PDE6B: variants seen among roughly 807,000 people sequenced by gnomAD.
The protein encoded by PDE6B is phosphodiesterase 6B, also known as rod cGMP-specific 3',5'-cyclic phosphodiesterase subunit beta.
A neutral mutation model predicts 109.0 loss-of-function variants in PDE6B; 106 were observed. The ratio of observed to expected loss-of-function variants is 0.97; its 90% confidence interval spans 0.83 to 1.14. PDE6B has a LOEUF of 1.14. PDE6B is among the 50% of genes most tolerant of loss of function. The pLI, the probability that PDE6B is intolerant of heterozygous loss-of-function variation, is 0.00. For missense variants in PDE6B, 1,193 were observed against 1,155.6 expected, an observed-to-expected ratio of 1.03 and a Z score of -0.47; for synonymous variants, 490 against 471.3, an observed-to-expected ratio of 1.04 and a Z score of -0.51.
rs954242389 is a variant in PDE6B at position 657,163 on chromosome 4, G to C, written c.1257+140G>C. 1.7e-5 allele frequency: 20 copies of C among 1,145,786 alleles called. No individual in the cohort carries two copies. The Admixed American group carries it at 2.7e-4, about 15-fold the overall frequency. The allele number at this position is 1,145,786 out of a possible 1,614,324, so 71.0% of individuals were successfully genotyped here. A position where few individuals can be genotyped will look rare whatever the true frequency, so the allele number is the denominator to read the frequency against. ...GCGGTATGCATGCGGCCAGGGAGAG[G>C]ACGACAAAGGGCCCCCCCGGGAGCA... On this transcript the variant is annotated intron_variant, in intron 9 of 21. Coordinates refer to ENST00000496514, the MANE Select transcript of PDE6B (RefSeq NM_000283.4).
At chr4:645,693 C>T (rs943518370) in intron 3 of PDE6B, among the ~76,000 whole-genome samples, 2 of 151,926 alleles carry the variant, frequency 1.3e-5, no homozygotes, top group Non-Finnish European at 2.9e-5. Flanking sequence ...TTATTATTAT[C>T]ATCCCCTCTT....
chr4:657,328 A>G (rs1329210243), intron 9 of PDE6B, 23 bp from the exon 10 acceptor site: 14 of 1,612,366 alleles, frequency 8.7e-6, no homozygotes, highest in Non-Finnish European at 1.1e-5. Flanking sequence ...GCTGAGCGCC[A>G]GTGACACTGC....
In PDE6B at chr4:660,616, G is replaced by A. The variant is rs772706397; in HGVS notation, c.1614+3G>A. 1 of 1,613,264 alleles carries A rather than the reference G, an allele frequency of 6.2e-7. No individual in the cohort carries two copies. Among genetic ancestry groups the A allele is most frequent in the Non-Finnish European group, 8.5e-7 (1 of 1,179,730 alleles). On this transcript the variant is annotated splice_donor_region_variant and intron_variant, in intron 12 of 21. Transcript: ENST00000496514. ...GAAAGTTCCAGATCCCCCAGGAGGT[G>A]GGAGACACCGCAGGGCGCATAGTCA... is the stretch of plus-strand genomic sequence containing the variant.
rs1262438844 is a variant in PDE6B at position 660,629 on chromosome 4, G to A, written c.1614+16G>A. 1.9e-6 allele frequency: 3 copies of A among 1,612,440 alleles called. No homozygotes were observed. The highest frequency in any genetic ancestry group is 1.3e-5 in the African/African-American group (1 of 74,908). On this transcript the variant is annotated intron_variant, in intron 12 of 21. Transcript: ENST00000496514. ...CCCCCAGGAGGTGGGAGACACCGCA[G>A]GGCGCATAGTCAGGTCCCTGAGGCC...
In PDE6B at chr4:658,990, C is replaced by T. The variant is rs755308738; in HGVS notation, c.1440C>T (p.Cys480=). 4 of 1,613,386 alleles carry T rather than the reference C, an allele frequency of 2.5e-6. No individual in the cohort carries two copies. The highest frequency in any genetic ancestry group is 3.4e-6 in the Non-Finnish European group (4 of 1,179,628). Residue 480 remains cysteine, a synonymous_variant, in exon 11 of 22, where the codon TGC becomes TGT. Coordinates refer to ENST00000496514, the MANE Select transcript of PDE6B (RefSeq NM_000283.4). ...RARLGKEPAD[C]DEDELGEILK... ...GCCTGGGGAAGGAGCCTGCTGACTGCGATGAGGACGAGCTGGGCGAAATCC... is the reference window on the plus strand; with the variant it reads ...GCCTGGGGAAGGAGCCTGCTGACTGTGATGAGGACGAGCTGGGCGAAATCC...
chr4:668,211 G>A (rs1738026379), intron 21 of PDE6B, among the ~76,000 whole-genome samples: 1 of 151,938 alleles, frequency 6.6e-6, no homozygotes, highest in Non-Finnish European at 1.5e-5. Context: ...AACCCGGACT[G>A]AAAAATTTCC....
rs74403393 is a variant in PDE6B at position 626,155 on chromosome 4, G to T, written c.468+61G>T. 2.7e-3 allele frequency: 2,763 copies of T among 1,041,180 alleles called. 41 individuals carry two copies. In the African/African-American group the frequency reaches 0.038, roughly 14 times the overall value. 64.5% of individuals were successfully genotyped at this position (1,041,180 alleles called of 1,614,324 possible). ...TGCATCTCTTGCACCTGTCCCAGGT[G>T]TCTAAGGGTCAGCTCGGATCCTCAG... On this transcript the variant is annotated intron_variant, in intron 1 of 21. Coordinates refer to ENST00000496514, the MANE Select transcript of PDE6B (RefSeq NM_000283.4). The surrounding 1 kb of genome is among the most constrained non-coding windows in gnomAD (Gnocchi z 4.6).
intron 3 of PDE6B, 76 bp from the exon 4 acceptor site, chr4:653,776 A>C: frequency 6.6e-7 from 1 of 1,526,440 alleles, no homozygotes; most frequent in East Asian, 2.2e-5. Flanking sequence ...GGCTTGAGTT[A>C]AACCCCTGCT....
intron 3 of PDE6B, among the ~76,000 whole-genome samples, chr4:646,640 G>A (rs1470607088): frequency 6.6e-6 from 1 of 151,982 alleles, no homozygotes; most frequent in Admixed American, 6.5e-5. Context: ...TCCGCTCGTG[G>A]TTCCCTCTGC....
chr4:655,125 C>T (rs548867854), intron 6 of PDE6B: 26 of 577,370 alleles, frequency 4.5e-5, no homozygotes, highest in African/African-American at 3.5e-4. Flanking sequence ...CTGAGGAGCC[C>T]GAGTCACTGT....
chr4:647,555 C>T (rs898952750), intron 3 of PDE6B, among the ~76,000 whole-genome samples: 5 of 152,026 alleles, frequency 3.3e-5, no homozygotes, highest in African/African-American at 1.2e-4. Flanking sequence ...GACCAGGTTC[C>T]ATTTCTGGCG....
At chr4:656,335 AGAG>A (rs1560122429) in intron 8 of PDE6B, 43 bp downstream of exon 8, 6 of 1,269,552 alleles carry the variant, frequency 4.7e-6, no homozygotes, top group Middle Eastern at 3.7e-4. Context: ...TACTTACAAA[AGAG>A]GAGATTTTGA....
chr4:666,251 AG>A lies in PDE6B; in HGVS notation c.2269-277del, dbSNP rs1234823672. On this transcript the variant is annotated intron_variant, in intron 19 of 21. Coordinates refer to ENST00000496514, the MANE Select transcript of PDE6B (RefSeq NM_000283.4). This position sits in a 1 kb window ranked among gnomAD's most constrained non-coding sequence, Gnocchi z 5.6. ...TCCCCGCCTCTCCCCAGCTGCAGTA[AG>A]GGTCCCCAGAGCCAAGAGGGGGCTG... Among the ~76,000 whole-genome samples the A allele has an allele frequency of 6.6e-6, 1 of 152,114 alleles. No individual in the cohort carries two copies. The highest frequency in any genetic ancestry group is 2.4e-5 in the African/African-American group (1 of 41,416).
chr4:663,494 C>A lies in PDE6B; in HGVS notation c.1921-276C>A, dbSNP rs1737375842. 6.6e-6 allele frequency among the ~76,000 whole-genome samples: 1 copy of A among 152,200 alleles called. No individual in the cohort carries two copies. Among genetic ancestry groups the A allele is most frequent in the Admixed American group, 6.5e-5 (1 of 15,290 alleles). ...GAAGGGCAGCCGAGCCCTGAGCGGC[C>A]CCCAAGGACCTGGACACTCAGTGGA... On this transcript the variant is annotated intron_variant, in intron 15 of 21. Coordinates refer to ENST00000496514, the MANE Select transcript of PDE6B (RefSeq NM_000283.4). This position sits in a 1 kb window ranked among gnomAD's most constrained non-coding sequence, Gnocchi z 4.0.
chr4:663,672 G>T lies in PDE6B; in HGVS notation c.1921-98G>T, dbSNP rs973628685. On this transcript the variant is annotated intron_variant, in intron 15 of 21. Transcript: ENST00000496514. This position sits in a 1 kb window ranked among gnomAD's most constrained non-coding sequence, Gnocchi z 4.0. ...CCACCGAGGGCCCGAGGGCGGGGGC[G>T]TGAGAGGCACAGGCAGCCGAGGCGG... The T allele has an allele frequency of 1.2e-6, 1 of 858,608 alleles. No homozygotes were observed. Among genetic ancestry groups the T allele is most frequent in the Admixed American group, 1.9e-5 (1 of 51,594 alleles). The allele number at this position is 858,608 out of a possible 1,614,324, so 53.2% of individuals were successfully genotyped here.
intron 20 of PDE6B, among the ~76,000 whole-genome samples, chr4:667,634 C>G (rs1737946553): frequency 6.6e-6 from 1 of 152,204 alleles, no homozygotes; most frequent in African/African-American, 2.4e-5. Flanking sequence ...ACACTGCACC[C>G]TAAGCATGCA....
chr4:654,051 C>A (rs565870480), intron 4 of PDE6B, 29 bp from the exon 5 acceptor site: 5 of 1,613,340 alleles, frequency 3.1e-6, no homozygotes, highest in Non-Finnish European at 4.2e-6. Flanking sequence ...CCGCAGTGAC[C>A]GCCCCACCCT....
Position 663,342 on chromosome 4 carries a change from G to C in PDE6B, c.1920+155G>C, listed in dbSNP as rs937762722. On this transcript the variant is annotated intron_variant, in intron 15 of 21. Coordinates refer to ENST00000496514, the MANE Select transcript of PDE6B (RefSeq NM_000283.4). The surrounding 1 kb of genome is among the most constrained non-coding windows in gnomAD (Gnocchi z 4.0). ...AGGGCGGCAGAGAAGGCGGAGGGCC[G>C]AGGCTGAGGGCAGGTGCATCGGAGG... Among the ~76,000 whole-genome samples the C allele has an allele frequency of 6.6e-6, 1 of 152,220 alleles. No homozygotes were observed. The highest frequency in any genetic ancestry group is 1.5e-5 in the Non-Finnish European group (1 of 68,034).
intron 4 of PDE6B, 42 bp from the exon 5 acceptor site, chr4:654,038 G>T (rs1219319459): frequency 6.2e-7 from 1 of 1,613,560 alleles, no homozygotes; most frequent in Non-Finnish European, 8.5e-7. Context: ...CCCGACCCAG[G>T]TCCCGCAGTG....
Sources: allele counts gnomAD v4.1 joint callset (sites outside exome capture counted in the v4.1 genomes callset), GRCh38; gene constraint gnomAD v4.1.1; non-coding constraint Gnocchi (gnomAD v3.1); transcripts MANE v1.5; gene names NCBI Gene and HGNC (gene_info 2026-07-23, HGNC 2026-07-21).